The following RTP2 variants were observed in gnomAD, a reference collection of about 807,000 sequenced individuals.
RTP2 encodes the protein receptor-transporting protein 2.
RTP2 carries 12 observed loss-of-function variants against 17.9 expected under a neutral mutation model. The ratio of observed to expected loss-of-function variants is 0.67; its 90% CI spans 0.43 to 1.09. RTP2 has a LOEUF of 1.09. Among genes scored for constraint, RTP2 ranks in the 50% least tolerant of loss-of-function variants. The pLI, the probability that RTP2 is intolerant of heterozygous loss-of-function variation, is 0.00. For missense variants in RTP2, 327 were observed against 295.7 expected (o/e 1.11, Z -0.78); for synonymous variants, 126 against 117.7 (o/e 1.07, Z -0.46).
chr3:187,710,553 A>ATG, the RTP2 span, among the ~76,000 whole-genome samples: 9 of 148,636 alleles, frequency 6.1e-5, no homozygotes, highest in African/African-American at 7.7e-5. Flanking sequence ...ATATATATAT[A>ATG]TGTGTGTGTA....
chr3:187,706,610 CT>C (rs1560139119), upstream of RTP2, among the ~76,000 whole-genome samples: 1 of 151,518 alleles, frequency 6.6e-6, no homozygotes, highest in Admixed American at 6.6e-5. Context: ...TATTTCTTTT[CT>C]TTTTTTTTCT....
chr3:187,710,725 T>C, the RTP2 span, among the ~76,000 whole-genome samples: 1 of 152,102 alleles, frequency 6.6e-6, no homozygotes, highest in Non-Finnish European at 1.5e-5. Flanking sequence ...TAATTCTCTC[T>C]AAATGGGATT....
the RTP2 span, among the ~76,000 whole-genome samples, chr3:187,707,879 A>G: frequency 6.6e-6 from 1 of 152,184 alleles, no homozygotes; most frequent in Non-Finnish European, 1.5e-5. Flanking sequence ...ATCCCTCTGT[A>G]GGAGGTGTGA....
upstream of RTP2, among the ~76,000 whole-genome samples, chr3:187,707,082 G>C (rs997478510): frequency 1.3e-5 from 2 of 152,154 alleles, no homozygotes; most frequent in African/African-American, 4.8e-5. Context: ...CTGTGAGATG[G>C]GACCACAGCT....
At chr3:187,706,804 T>C (rs1718003284), upstream of RTP2, among the ~76,000 whole-genome samples, 1 of 152,142 alleles carries the variant, frequency 6.6e-6, no homozygotes, top group Non-Finnish European at 1.5e-5. Context: ...GGTTTCACCA[T>C]GTTGGCCAGG....
the RTP2 span, among the ~76,000 whole-genome samples, chr3:187,709,361 T>G: frequency 1.3e-5 from 2 of 152,168 alleles, no homozygotes; most frequent in African/African-American, 2.4e-5. Context: ...CACCGTGGCT[T>G]GCATGTTCCA....
chr3:187,705,649 A>G, upstream of RTP2, among the ~76,000 whole-genome samples: 1 of 152,166 alleles, frequency 6.6e-6, no homozygotes, highest in East Asian at 1.9e-4. Context: ...TTTTACCTTG[A>G]GTATCTATCT....
the RTP2 span, among the ~76,000 whole-genome samples, chr3:187,714,914 C>A: frequency 3.3e-5 from 5 of 151,930 alleles, no homozygotes; most frequent in Non-Finnish European, 5.9e-5. Flanking sequence ...TAGATTATAG[C>A]CTCACTATTA....
At chr3:187,702,058 G>T in exon 1 of RTP2, 1 of 1,613,594 alleles carries the variant, frequency 6.2e-7, no homozygotes, top group Non-Finnish European at 8.5e-7. Flanking sequence ...CCAGCTGTCC[G>T]CTGGCTTTGC....
At chr3:187,700,321 C>T (rs115047168) in intron 1 of RTP2, among the ~76,000 whole-genome samples, 1,710 of 152,320 alleles carry the variant, frequency 0.011, 34 homozygotes, top group African/African-American at 0.039. Flanking sequence ...AGAGGTTCCC[C>T]GCCCCCAGTG....
exon 2 of RTP2, chr3:187,698,576 G>A (rs1421817425): frequency 1.2e-6 from 2 of 1,614,248 alleles, no homozygotes; most frequent in Admixed American, 3.3e-5. Context: ...AGAGGCACCA[G>A]CGAAGAGACA....
the RTP2 span, chr3:187,715,566 A>T: frequency 0.042 from 18,739 of 447,636 alleles, 731 homozygotes; most frequent in Admixed American, 0.14. Context: ...GCTGTGTCCT[A>T]GTCCTTATAG....
At chr3:187,711,194 C>T in the RTP2 span, among the ~76,000 whole-genome samples, 1 of 152,120 alleles carries the variant, frequency 6.6e-6, no homozygotes, top group Non-Finnish European at 1.5e-5. Flanking sequence ...CCAGGGGTGT[C>T]TATTTTTAAA....
At chr3:187,698,323 A>G (rs1015237481) in exon 2 of RTP2, 1 of 604,624 alleles carries the variant, frequency 1.7e-6, no homozygotes, top group African/African-American at 1.8e-5. Context: ...ATCCAGTGAA[A>G]GAATCATTGC....
At chr3:187,702,734 G>A (rs1163684466), upstream of RTP2, among the ~76,000 whole-genome samples, 3 of 152,208 alleles carry the variant, frequency 2.0e-5, no homozygotes, top group Admixed American at 1.3e-4. Context: ...GCTCATCCAA[G>A]ATTCAGATCT....
chr3:187,711,257 C>T, the RTP2 span, among the ~76,000 whole-genome samples: 7 of 152,264 alleles, frequency 4.6e-5, no homozygotes, highest in South Asian at 4.1e-4. Flanking sequence ...CTGAGGCTGT[C>T]GGCATGACTG....
chr3:187,706,995 TAAC>T (rs930449085), upstream of RTP2, among the ~76,000 whole-genome samples: 6 of 152,182 alleles, frequency 3.9e-5, no homozygotes, highest in Admixed American at 1.3e-4. Context: ...CCAGTTAAAA[TAAC>T]AACAACAAAC....
At chr3:187,709,193 G>A in the RTP2 span, among the ~76,000 whole-genome samples, 2 of 151,964 alleles carry the variant, frequency 1.3e-5, no homozygotes, top group Non-Finnish European at 2.9e-5. Context: ...TTAAAACATT[G>A]CAGTGTTTTA....
upstream of RTP2, among the ~76,000 whole-genome samples, chr3:187,703,103 A>C (rs537283525): frequency 1.5e-4 from 23 of 152,356 alleles, no homozygotes; most frequent in Non-Finnish European, 2.9e-4. Flanking sequence ...CCAGAGGGGA[A>C]TCTGACTTCA....
Sources: allele counts gnomAD v4.1 joint callset (sites outside exome capture counted in the v4.1 genomes callset), GRCh38; gene constraint gnomAD v4.1.1; transcripts MANE v1.5; gene names NCBI Gene and HGNC (gene_info 2026-07-23, HGNC 2026-07-21).